SVOP: variants seen among roughly 807,000 people sequenced by gnomAD.
SVOP encodes synaptic vesicle 2-related protein.
In SVOP, 17 loss-of-function variants were observed where a neutral mutation model predicts 69.1. That is an observed-to-expected ratio of 0.25 (90% CI 0.17 to 0.37). SVOP has a LOEUF of 0.37. Among genes scored for constraint, SVOP ranks in the 10% least tolerant of loss-of-function variants. The pLI is 1.00. For synonymous variants in SVOP, 238 were observed against 238.6 expected (o/e 1.00, Z 0.02); for missense variants, 435 against 597.5 (o/e 0.73, Z 2.84).
At chr12:109,007,953 A>C (rs892506997) in intron 1 of SVOP, among the ~76,000 whole-genome samples, 6 of 152,224 alleles carry the variant, frequency 3.9e-5, no homozygotes, top group African/African-American at 7.2e-5. Flanking sequence ...TGGAAGGATC[A>C]TTTGAACCCA....
chr12:108,966,938 G>GA (rs200978994), intron 5 of SVOP, among the ~76,000 whole-genome samples: 23,713 of 152,038 alleles, frequency 0.16, 2,221 homozygotes, highest in Middle Eastern at 0.26. Context: ...AAGCTTGGCA[G>GA]TGGTATAATA....
intron 6 of SVOP, among the ~76,000 whole-genome samples, chr12:108,952,682 A>T (rs148760693): frequency 1.3e-5 from 2 of 152,124 alleles, no homozygotes; most frequent in African/African-American, 4.8e-5. Context: ...TGTGCCCTGC[A>T]GCCCATCTCA....
Position 108,977,502 on chromosome 12 carries a change from G to C in SVOP, c.283-6C>G. 1 of 1,518,934 alleles carries C rather than the reference G, an allele frequency of 6.6e-7. No individual in the cohort carries two copies. The highest frequency in any genetic ancestry group is 8.8e-7 in the Non-Finnish European group (1 of 1,130,240). 94.1% of individuals were successfully genotyped at this position (1,518,934 alleles called of 1,614,324 possible). A position where few individuals can be genotyped will look rare whatever the true frequency, so the allele number is the denominator to read the frequency against. On this transcript the variant is annotated splice_region_variant and splice_polypyrimidine_tract_variant and intron_variant, in intron 3 of 15. Transcript: ENST00000610966. ...ATCTCCATGGCATCAGCCATCTGCA[G>C]AGAGGACGGAGACATCATGAGGCCA...
intron 8 of SVOP, among the ~76,000 whole-genome samples, chr12:108,939,255 C>T (rs2039874738): frequency 6.6e-6 from 1 of 152,160 alleles, no homozygotes; most frequent in Admixed American, 6.5e-5. Context: ...AGTGCAGTGC[C>T]TGGTATGGGT....
intron 1 of SVOP, among the ~76,000 whole-genome samples, chr12:108,992,727 G>C (rs1319028312): frequency 6.6e-6 from 1 of 152,120 alleles, no homozygotes; most frequent in African/African-American, 2.4e-5. Context: ...TGGCTACCAG[G>C]GGCTAGGGGA....
intron 1 of SVOP, among the ~76,000 whole-genome samples, chr12:109,012,317 G>T (rs895258362): frequency 5.9e-5 from 9 of 151,592 alleles, no homozygotes; most frequent in Non-Finnish European, 1.3e-4. Flanking sequence ...GGAGAAATAG[G>T]TTCAAGAGAT....
At chr12:108,919,650 A>G in intron 13 of SVOP, 25 bp downstream of exon 13, 1 of 1,564,666 alleles carries the variant, frequency 6.4e-7, no homozygotes, top group Middle Eastern at 1.7e-4. Flanking sequence ...GCTCAAACTC[A>G]TACCTAGGCT....
Position 108,910,884 on chromosome 12 carries a change from A to G in SVOP, c.*1651T>C, listed in dbSNP as rs1566044476. On this transcript the variant is annotated 3_prime_UTR_variant, in exon 16 of 16. Coordinates refer to ENST00000610966, the MANE Select transcript of SVOP (RefSeq NM_018711.5). ...CAATGAATAAACTTAGGCTCTTGCA[A>G]TGTCCATCACTGACATGTTTTAATA... 6.6e-6 allele frequency: 1 copy of G among 152,226 alleles called. No individual in the cohort carries two copies. The highest frequency in any genetic ancestry group is 1.5e-5 in the Non-Finnish European group (1 of 68,050). 9.4% of individuals were successfully genotyped at this position (152,226 alleles called of 1,614,324 possible). A position where few individuals can be genotyped will look rare whatever the true frequency, so the allele number is the denominator to read the frequency against.
At chr12:108,969,547 G>A (rs1038128235) in intron 5 of SVOP, among the ~76,000 whole-genome samples, 7 of 151,580 alleles carry the variant, frequency 4.6e-5, no homozygotes, top group Non-Finnish European at 7.4e-5. Flanking sequence ...GGCTGGTCTC[G>A]AACTTCTGAC....
chr12:108,971,835 C>T (rs183900024), intron 5 of SVOP, among the ~76,000 whole-genome samples: 4 of 152,130 alleles, frequency 2.6e-5, no homozygotes, highest in Non-Finnish European at 4.4e-5. Context: ...AGGAGGATCG[C>T]TTGAGGCCAG....
In SVOP at chr12:108,912,234, T is replaced by C. The variant is rs1199074750; in HGVS notation, c.*301A>G. The C allele has an allele frequency of 2.8e-5, 35 of 1,265,924 alleles. No individual in the cohort carries two copies. In the Admixed American group the frequency reaches 1.3e-3, roughly 46 times the overall value. 78.4% of individuals were successfully genotyped at this position (1,265,924 alleles called of 1,614,324 possible). On this transcript the variant is annotated 3_prime_UTR_variant, in exon 16 of 16. Transcript: ENST00000610966. ...TGGCCGGGTGACTCTGGGTGGTGTC[T>C]GATTGGTTGCTGGCATTACCAGACC...
chr12:108,938,737 C>A, intron 9 of SVOP, 90 bp downstream of exon 9: 1 of 1,581,638 alleles, frequency 6.3e-7, no homozygotes, highest in South Asian at 1.2e-5. Flanking sequence ...CCACATGTGT[C>A]CTCGCATGCA....
Position 108,912,401 on chromosome 12 carries a change from C to CA in SVOP, c.*133dup. On this transcript the variant is annotated 3_prime_UTR_variant, in exon 16 of 16. Transcript: ENST00000610966. ...AAGATGAGCAAACTGAGTCAAGACA[C>CA]AAAACCCTGTTGGTCCAGGTCATAC... The CA allele has an allele frequency of 6.6e-7, 1 of 1,521,594 alleles. No individual in the cohort carries two copies. Among genetic ancestry groups the CA allele is most frequent in the Non-Finnish European group, 8.8e-7 (1 of 1,138,646 alleles). The allele number at this position is 1,521,594 out of a possible 1,614,324, so 94.3% of individuals were successfully genotyped here. A position where few individuals can be genotyped will look rare whatever the true frequency, so the allele number is the denominator to read the frequency against.
rs934755495 is a variant in SVOP, at chr12:108,983,319, T to C, written c.196+282A>G. 3.3e-3 allele frequency among the ~76,000 whole-genome samples: 496 copies of C among 151,330 alleles called. 25 individuals carry two copies. In the East Asian group the frequency reaches 0.091, roughly 28 times the overall value. On this transcript the variant is annotated intron_variant, in intron 2 of 15. Coordinates refer to ENST00000610966, the MANE Select transcript of SVOP (RefSeq NM_018711.5). ...ATTGCCACCATCATCACCACCACCATCATCATCATCATCATCACCATCATC... is the reference window on the plus strand; with the variant it reads ...ATTGCCACCATCATCACCACCACCACCATCATCATCATCATCACCATCATC...
chr12:108,927,581 C>CTT (rs2039788056), intron 11 of SVOP, among the ~76,000 whole-genome samples: 1 of 124,330 alleles, frequency 8.0e-6, no homozygotes, highest in African/African-American at 2.7e-5. Flanking sequence ...CAAAGACTCT[C>CTT]TCTCTCTCTT....
intron 7 of SVOP, among the ~76,000 whole-genome samples, chr12:108,943,338 C>T (rs1045625844): frequency 6.6e-6 from 1 of 151,852 alleles, no homozygotes; most frequent in Non-Finnish European, 1.5e-5. Flanking sequence ...TGGCTCACAC[C>T]TGTAATCCCA....
At chr12:108,983,157 T>C (rs2040150763) in intron 2 of SVOP, among the ~76,000 whole-genome samples, 1 of 151,430 alleles carries the variant, frequency 6.6e-6, no homozygotes, top group Non-Finnish European at 1.5e-5. Context: ...ATCACCATTG[T>C]CATCACCATC....
intron 5 of SVOP, among the ~76,000 whole-genome samples, chr12:108,964,076 C>G (rs1392280923): frequency 6.6e-6 from 1 of 151,912 alleles, no homozygotes; most frequent in Non-Finnish European, 1.5e-5. Context: ...TATTCAGGTC[C>G]GGGCAAGGTG....
chr12:108,975,754 T>C (rs1354893803), intron 4 of SVOP, among the ~76,000 whole-genome samples: 2 of 152,172 alleles, frequency 1.3e-5, no homozygotes, highest in Non-Finnish European at 2.9e-5. Flanking sequence ...CAGGCTGGAA[T>C]GGAGTGGTGA....
Sources: allele counts gnomAD v4.1 joint callset (sites outside exome capture counted in the v4.1 genomes callset), GRCh38; gene constraint gnomAD v4.1.1; transcripts MANE v1.5; gene names NCBI Gene and HGNC (gene_info 2026-07-23, HGNC 2026-07-21).